Variants in ADCK1 observed in about 807,000 individuals in gnomAD.
ADCK1 encodes aarF domain containing kinase 1.
In ADCK1, 41 loss-of-function variants were observed where a neutral mutation model predicts 52.3. The observed-to-expected ratio is 0.78, with a 90% CI of 0.61 to 1.02. ADCK1 has a LOEUF of 1.02. Among genes scored for constraint, ADCK1 ranks in the 50% least tolerant of loss-of-function variants. ADCK1 has a pLI of 0.00. For synonymous variants in ADCK1, 250 were observed against 274.6 expected (o/e 0.91, Z 0.89); for missense variants, 658 against 679.5 (o/e 0.97, Z 0.35).
chr14:77,924,474 C>A lies in ADCK1; in HGVS notation c.876C>A (p.Gly292=). The change falls in exon 8 of 11, where the codon GGC becomes GGA. Residue 292 remains glycine, a synonymous_variant. Transcript: ENST00000238561. The part of the protein sequence containing the change: ...IDVNEISRHL[G]KMYSEMIFVN... ...TCTTTCAGATCTCACGCCACCTGGG[C>A]AAGATGTATAGTGAGATGATCTTCG... is the stretch of plus-strand genomic sequence containing the variant. The A allele has an allele frequency of 1.2e-6, 2 of 1,614,072 alleles. No individual in the cohort carries two copies. Among genetic ancestry groups the A allele is most frequent in the Non-Finnish European group, 1.7e-6 (2 of 1,180,024 alleles).
At chr14:77,898,452 T>C (rs1414817178) in intron 5 of ADCK1, among the ~76,000 whole-genome samples, 15 of 152,196 alleles carry the variant, frequency 9.9e-5, no homozygotes, top group Admixed American at 9.2e-4. Context: ...TGGAATACTA[T>C]GCAACCATAA....
chr14:77,844,156 CT>C (rs1208158710), intron 3 of ADCK1, among the ~76,000 whole-genome samples: 1 of 152,068 alleles, frequency 6.6e-6, no homozygotes, highest in East Asian at 1.9e-4. Flanking sequence ...CAACCTCTGC[CT>C]GGAGGTTCAA....
intron 3 of ADCK1, among the ~76,000 whole-genome samples, chr14:77,848,661 T>TAAACATCC (rs2082219870): frequency 6.6e-6 from 1 of 152,006 alleles, no homozygotes; most frequent in Non-Finnish European, 1.5e-5. Flanking sequence ...AGATAGGGTT[T>TAAACATCC]TGCCATGTTG....
chr14:77,877,937 C>T (rs1445198779), intron 4 of ADCK1, among the ~76,000 whole-genome samples: 2 of 152,202 alleles, frequency 1.3e-5, no homozygotes, highest in Non-Finnish European at 2.9e-5. Flanking sequence ...AGCTAGTTAA[C>T]TGGCTCCTCA....
At chr14:77,881,856 G>A (rs2083032725) in intron 4 of ADCK1, among the ~76,000 whole-genome samples, 2 of 152,174 alleles carry the variant, frequency 1.3e-5, no homozygotes, top group South Asian at 2.1e-4. Context: ...TGCTGTTACC[G>A]TCAGGTCACC....
At chr14:77,921,299 CCTGGG>C (rs1239723841) in intron 7 of ADCK1, among the ~76,000 whole-genome samples, 1 of 114,608 alleles carries the variant, frequency 8.7e-6, no homozygotes, top group East Asian at 3.1e-4. Flanking sequence ...TGCATTCCAG[CCTGGG>C]CGACAGAGTG....
chr14:77,849,055 C>T (rs1336065390), intron 3 of ADCK1, among the ~76,000 whole-genome samples: 2 of 152,078 alleles, frequency 1.3e-5, no homozygotes, highest in African/African-American at 4.8e-5. Flanking sequence ...GTCTCCATCT[C>T]CTGACCTCGT....
intron 4 of ADCK1, among the ~76,000 whole-genome samples, chr14:77,871,188 G>A (rs924371993): frequency 6.6e-6 from 1 of 152,176 alleles, no homozygotes; most frequent in Non-Finnish European, 1.5e-5. Flanking sequence ...TGGGGATGTG[G>A]TTCAGGAAGG....
chr14:77,897,595 T>C (rs903771138), intron 5 of ADCK1, among the ~76,000 whole-genome samples: 4 of 152,202 alleles, frequency 2.6e-5, no homozygotes, highest in African/African-American at 9.6e-5. Context: ...TGGAGTCAAA[T>C]TGCCAAAAAT....
chr14:77,825,751 C>T (rs2081686519), intron 3 of ADCK1, among the ~76,000 whole-genome samples: 2 of 151,436 alleles, frequency 1.3e-5, no homozygotes, highest in African/African-American at 4.9e-5. Flanking sequence ...AAGTGATTCT[C>T]CTGCCTCAGC....
At chr14:77,820,317 AT>A (rs2081552230) in intron 2 of ADCK1, among the ~76,000 whole-genome samples, 1 of 151,570 alleles carries the variant, frequency 6.6e-6, no homozygotes, top group African/African-American at 2.4e-5. Flanking sequence ...ATATATATAT[AT>A]ATGTATATTT....
chr14:77,902,734 G>A (rs1033916228), intron 6 of ADCK1: 1 of 152,178 alleles, frequency 6.6e-6, no homozygotes, highest in Non-Finnish European at 1.5e-5. Context: ...ATTCTACCCA[G>A]GATAAAGGGC....
chr14:77,845,321 C>T (rs2082153024), intron 3 of ADCK1, among the ~76,000 whole-genome samples: 1 of 152,192 alleles, frequency 6.6e-6, no homozygotes, highest in African/African-American at 2.4e-5. Context: ...ATAATTATGC[C>T]TACCATAAAT....
intron 3 of ADCK1, 43 bp downstream of exon 3, chr14:77,822,561 A>G (rs747465570): frequency 1.3e-6 from 2 of 1,513,288 alleles, no homozygotes; most frequent in South Asian, 2.2e-5. Flanking sequence ...CCAGGACTGG[A>G]TAACCCTTGA....
chr14:77,915,452 C>A (rs867103718), intron 7 of ADCK1, among the ~76,000 whole-genome samples: 17 of 151,314 alleles, frequency 1.1e-4, no homozygotes, highest in Admixed American at 2.0e-4. Flanking sequence ...TATAAAGACA[C>A]ATGCACACGT....
In ADCK1 at chr14:77,889,696, C is replaced by G. The variant is rs574294766; in HGVS notation, c.582+2447C>G. Among the ~76,000 whole-genome samples the G allele has an allele frequency of 2.6e-5, 4 of 152,202 alleles. No homozygotes were observed. The South Asian group carries it at 8.3e-4, about 32-fold the overall frequency. Reference sequence around the variant, plus strand: ...AGAGTAAGGGGATCGGGATGCCTCTCAGAACAAAGTGAAATGGTCAATGCA... The same window carrying G: ...AGAGTAAGGGGATCGGGATGCCTCTGAGAACAAAGTGAAATGGTCAATGCA... On this transcript the variant is annotated intron_variant, in intron 5 of 10. Transcript: ENST00000238561.
At chr14:77,863,559 G>A (rs988093013) in intron 4 of ADCK1, among the ~76,000 whole-genome samples, 32 of 152,142 alleles carry the variant, frequency 2.1e-4, no homozygotes, top group African/African-American at 7.7e-4. Flanking sequence ...GGTCCAAGCC[G>A]TGCGTGGTGG....
chr14:77,932,282 C>G (rs561693450), intron 10 of ADCK1, among the ~76,000 whole-genome samples: 1 of 152,138 alleles, frequency 6.6e-6, no homozygotes, highest in Admixed American at 6.5e-5. Context: ...CTCCTGACCT[C>G]GAGTGATCCA....
chr14:77,865,355 C>G (rs2082640580), intron 4 of ADCK1, among the ~76,000 whole-genome samples: 1 of 152,066 alleles, frequency 6.6e-6, no homozygotes, highest in East Asian at 1.9e-4. Context: ...TGGTGGTGCA[C>G]ACCTGTAATC....
Sources: allele counts gnomAD v4.1 joint callset (sites outside exome capture counted in the v4.1 genomes callset), GRCh38; gene constraint gnomAD v4.1.1; transcripts MANE v1.5; gene names NCBI Gene and HGNC (gene_info 2026-07-23, HGNC 2026-07-21).